The following LDB2 variants were observed in gnomAD, a reference collection of about 807,000 sequenced individuals.
LDB2 encodes LIM domain-binding protein 2.
A neutral mutation model predicts 44.3 loss-of-function variants in LDB2; 12 were observed. That is an observed-to-expected ratio of 0.27 (90% CI 0.17 to 0.44). The LOEUF (loss-of-function observed/expected upper bound fraction) is 0.44, where lower values mean the gene tolerates loss of function less well. LDB2 is among the 20% of genes least tolerant of loss of function. The pLI is 1.00. For missense variants in LDB2, 344 were observed against 473.5 expected (o/e 0.73, Z 2.54); for synonymous variants, 164 against 174.8 (o/e 0.94, Z 0.49).
At chr4:16,850,192 C>T (rs919293348) in intron 1 of LDB2, among the ~76,000 whole-genome samples, 13 of 151,996 alleles carry the variant, frequency 8.6e-5, no homozygotes, top group Non-Finnish European at 1.5e-4. Context: ...TTATGGGAGC[C>T]GCCAAAGAAC....
At chr4:16,537,033 A>G (rs890555321) in intron 5 of LDB2, among the ~76,000 whole-genome samples, 2 of 152,176 alleles carry the variant, frequency 1.3e-5, no homozygotes, top group Non-Finnish European at 2.9e-5. Context: ...TGAGGTTTTT[A>G]CAGTTTACGT....
chr4:16,536,034 C>T (rs1731717480), intron 5 of LDB2, among the ~76,000 whole-genome samples: 1 of 152,168 alleles, frequency 6.6e-6, no homozygotes, highest in African/African-American at 2.4e-5. Flanking sequence ...GCACAAAAAC[C>T]CAATCCCAAC....
intron 1 of LDB2, among the ~76,000 whole-genome samples, chr4:16,873,127 G>A (rs751362830): frequency 2.6e-5 from 4 of 152,078 alleles, no homozygotes; most frequent in Non-Finnish European, 5.9e-5. Context: ...GAGCACCCTG[G>A]GAATATTTAG....
intron 2 of LDB2, among the ~76,000 whole-genome samples, chr4:16,664,992 C>T (rs1039876507): frequency 1.2e-4 from 19 of 152,200 alleles, no homozygotes; most frequent in Admixed American, 2.6e-4. Context: ...TAAATATTTG[C>T]CAGGCCCAGA....
chr4:16,775,053 G>C (rs1401469508), intron 1 of LDB2, among the ~76,000 whole-genome samples: 1 of 152,098 alleles, frequency 6.6e-6, no homozygotes, highest in African/African-American at 2.4e-5. Flanking sequence ...CCATATATTG[G>C]GTGATTTCAT....
At chr4:16,883,273 T>C (rs1720697324) in intron 1 of LDB2, among the ~76,000 whole-genome samples, 2 of 152,216 alleles carry the variant, frequency 1.3e-5, no homozygotes, top group Admixed American at 6.5e-5. Flanking sequence ...CAGCAGTCCA[T>C]CTAACTGGGA....
At position 16,538,801 on chromosome 4, in the gene LDB2, A is replaced by G. The variant is rs532962811; in HGVS notation, c.616-26697T>C. On this transcript the variant is annotated intron_variant, in intron 5 of 7. Coordinates refer to ENST00000304523, the MANE Select transcript of LDB2 (RefSeq NM_001290.5). ...GAGCCTCTACTATGTGTTTGGCACTATTATTAAGTAGTCTGCATGTATTTT... is the reference window on the plus strand; with the variant it reads ...GAGCCTCTACTATGTGTTTGGCACTGTTATTAAGTAGTCTGCATGTATTTT... 3.3e-5 allele frequency among the ~76,000 whole-genome samples: 5 copies of G among 152,330 alleles called. No individual in the cohort carries two copies. The South Asian group carries it at 6.2e-4, about 19-fold the overall frequency.
intron 5 of LDB2, among the ~76,000 whole-genome samples, chr4:16,563,140 A>C (rs953905676): frequency 2.5e-4 from 37 of 150,722 alleles, no homozygotes; most frequent in Admixed American, 6.0e-4. Context: ...TGGGTGCAGC[A>C]CACCAGCATG....
intron 2 of LDB2, among the ~76,000 whole-genome samples, chr4:16,652,401 C>G (rs1163970015): frequency 1.3e-5 from 2 of 152,060 alleles, no homozygotes; most frequent in Admixed American, 1.3e-4. Context: ...ATTTTGGGAC[C>G]AAGAAATGGA....
chr4:16,689,609 G>C (rs1750135573), intron 2 of LDB2, among the ~76,000 whole-genome samples: 1 of 152,192 alleles, frequency 6.6e-6, no homozygotes, highest in Non-Finnish European at 1.5e-5. Context: ...TCTGACTCCT[G>C]TTAAATTCTT....
At chr4:16,690,716 A>G (rs1174046609) in intron 2 of LDB2, among the ~76,000 whole-genome samples, 1 of 152,172 alleles carries the variant, frequency 6.6e-6, no homozygotes, top group African/African-American at 2.4e-5. Flanking sequence ...TGTAAATCCT[A>G]TCAGTTAAGT....
intron 1 of LDB2, among the ~76,000 whole-genome samples, chr4:16,760,428 GA>G (rs921919806): frequency 1.2e-4 from 18 of 152,276 alleles, no homozygotes; most frequent in African/African-American, 4.1e-4. Context: ...CAGAAAAGAA[GA>G]AGCTCAGACA....
chr4:16,669,155 T>C (rs1034879409), intron 2 of LDB2, among the ~76,000 whole-genome samples: 2 of 152,222 alleles, frequency 1.3e-5, no homozygotes, highest in African/African-American at 4.8e-5. Context: ...CACAATATTG[T>C]AAGCAAGATA....
chr4:16,585,358 G>C (rs1362318844), intron 5 of LDB2, among the ~76,000 whole-genome samples: 1 of 152,166 alleles, frequency 6.6e-6, no homozygotes, highest in Non-Finnish European at 1.5e-5. Context: ...AGCTGATTCT[G>C]CCTCTTGTCA....
At chr4:16,537,124 A>T (rs1732139385) in intron 5 of LDB2, among the ~76,000 whole-genome samples, 1 of 152,172 alleles carries the variant, frequency 6.6e-6, no homozygotes, top group Non-Finnish European at 1.5e-5. Flanking sequence ...TTCTTTTTAG[A>T]GTTTTCCTTA....
chr4:16,806,460 G>T (rs978460273), intron 1 of LDB2, among the ~76,000 whole-genome samples: 45 of 152,214 alleles, frequency 3.0e-4, no homozygotes, highest in African/African-American at 9.9e-4. Flanking sequence ...CATGGGGCTG[G>T]TCTGAATCCA....
chr4:16,586,706 G>A (rs775535811), intron 4 of LDB2, among the ~76,000 whole-genome samples: 2 of 152,084 alleles, frequency 1.3e-5, no homozygotes, highest in Non-Finnish European at 2.9e-5. Flanking sequence ...AAAGTACCAT[G>A]GGCCACACCA....
At chr4:16,732,878 T>G (rs1337320264) in intron 2 of LDB2, among the ~76,000 whole-genome samples, 1 of 152,186 alleles carries the variant, frequency 6.6e-6, no homozygotes, top group Non-Finnish European at 1.5e-5. Flanking sequence ...AACCAAATTA[T>G]GCAAATCCAC....
chr4:16,803,836 G>T (rs1778288604), intron 1 of LDB2, among the ~76,000 whole-genome samples: 1 of 152,176 alleles, frequency 6.6e-6, no homozygotes, highest in African/African-American at 2.4e-5. Flanking sequence ...CAGAGGAATT[G>T]CTTAAGTAAT....
Sources: gnomAD v4.1 joint callset for allele counts (sites outside exome capture counted in the v4.1 genomes callset) on GRCh38, gnomAD v4.1.1 for gene constraint, MANE v1.5 for transcripts, NCBI Gene and HGNC (gene_info 2026-07-23, HGNC 2026-07-21) for gene names.